Variants in SLCO1C1 observed in about 807,000 individuals in gnomAD.
SLCO1C1 encodes the protein solute carrier organic anion transporter family member 1C1.
In SLCO1C1, 70 loss-of-function variants were observed where a neutral mutation model predicts 76.4. The ratio of observed to expected loss-of-function variants is 0.92; its 90% CI spans 0.76 to 1.12. The LOEUF (loss-of-function observed/expected upper bound fraction) is 1.12. Among genes scored for constraint, SLCO1C1 ranks in the 50% most tolerant of loss-of-function variants. The probability of loss-of-function intolerance (pLI) is 0.00; values close to 1 mark genes in which losing one functional copy is unlikely to be tolerated. For missense variants in SLCO1C1, 912 were observed against 823.8 expected (o/e 1.11, Z -1.31); for synonymous variants, 306 against 286.1 (o/e 1.07, Z -0.70).
rs1948360105 is a variant in SLCO1C1 at position 20,732,932 on chromosome 12, G to A, written c.1210G>A (p.Ala404Thr). The A allele has an allele frequency of 1.2e-6, 2 of 1,613,888 alleles. No individual in the cohort carries two copies. Among genetic ancestry groups the A allele is most frequent in the Non-Finnish European group, 8.5e-7 (1 of 1,179,888 alleles). ...AGGGCTCATCAACATTCCAGCAGTG[G>A]CCCTTGGAATATTCTCTGGGGGGAT... is the stretch of plus-strand genomic sequence containing the variant. ...VIGLINIPAV[A>T]LGIFSGGIVM... Residue 404 changes from alanine (A) to threonine (T), a missense_variant, in exon 10 of 15, where the codon GCC becomes ACC. Physicochemically the swap from Ala to Thr is moderately conservative, Grantham distance 58 (BLOSUM62 0). Coordinates refer to ENST00000266509, the MANE Select transcript of SLCO1C1 (RefSeq NM_017435.5).
chr12:20,720,317 G>A (rs75400662), intron 7 of SLCO1C1, among the ~76,000 whole-genome samples: 4,402 of 152,198 alleles, frequency 0.029, 216 homozygotes, highest in African/African-American at 0.099. Flanking sequence ...CTAACATACC[G>A]TCCATTTTAT....
At chr12:20,701,808 G>A (rs1946540488) in intron 3 of SLCO1C1, among the ~76,000 whole-genome samples, 1 of 151,834 alleles carries the variant, frequency 6.6e-6, no homozygotes, top group African/African-American at 2.4e-5. Flanking sequence ...TACACCCTGG[G>A]AGCACTATGA....
intron 3 of SLCO1C1, among the ~76,000 whole-genome samples, chr12:20,704,070 C>G (rs1223438103): frequency 1.3e-5 from 2 of 150,586 alleles, no homozygotes; most frequent in Admixed American, 1.3e-4. Flanking sequence ...CTTTCTGTAC[C>G]TGTTTTTTTG....
intron 10 of SLCO1C1, among the ~76,000 whole-genome samples, chr12:20,733,969 A>T (rs1948419366): frequency 6.6e-6 from 1 of 150,786 alleles, no homozygotes; most frequent in African/African-American, 2.5e-5. Flanking sequence ...TTTGTTTTCT[A>T]AAAAAATTAT....
rs1252019466 is a variant in SLCO1C1 at position 20,721,944 on chromosome 12, G to A, written c.916G>A (p.Glu306Lys). ...PKSLPRSQSR[E>K]DSNSSSEKSK... ...GAGTTTACCAAGATCCCAAAGTAGA[G>A]AGGATTCTAATTCTTCCTCTGAGAA... The change falls in exon 8 of 15, where the codon GAG becomes AAG. Residue 306 changes from glutamate to lysine, a missense_variant. Physicochemically the swap from Glu to Lys is moderately conservative, Grantham distance 56 (BLOSUM62 1). Coordinates refer to ENST00000266509, the MANE Select transcript of SLCO1C1 (RefSeq NM_017435.5). 3 of 1,614,022 alleles carry A rather than the reference G, an allele frequency of 1.9e-6. No individual in the cohort carries two copies. The Admixed American group carries it at 5.0e-5, about 27-fold the overall frequency.
chr12:20,752,493 C>A lies in SLCO1C1; in HGVS notation c.2104C>A (p.Pro702Thr). 1 of 1,603,742 alleles carries A rather than the reference C, an allele frequency of 6.2e-7. No individual in the cohort carries two copies. The highest frequency in any genetic ancestry group is 8.5e-7 in the Non-Finnish European group (1 of 1,173,848). The change falls in exon 15 of 15, where the codon CCC becomes ACC. Residue 702 changes from proline to threonine, a missense_variant. Physicochemically the swap from Pro to Thr is conservative, Grantham distance 38 (BLOSUM62 -1). Coordinates refer to ENST00000266509, the MANE Select transcript of SLCO1C1 (RefSeq NM_017435.5). ...NYTTSDHLLQPNYWPGKETQL is the reference protein window; with the variant it reads ...NYTTSDHLLQTNYWPGKETQL The stretch of plus-strand genomic sequence containing the variant: ...CACTACAAGTGATCATCTGCTACAA[C>A]CCAACTACTGGCCAGGCAAGGAAAC...
Position 20,752,825 on chromosome 12 carries a change from G to C in SLCO1C1, c.*297G>C, listed in dbSNP as rs1032723588. On this transcript the variant is annotated 3_prime_UTR_variant, in exon 15 of 15. Transcript: ENST00000266509. ...ATATATATTAGCTGTACTCCTAGAA[G>C]AACAATTGTCTCTATTGTCACACAT... is the stretch of plus-strand genomic sequence containing the variant. 5.3e-6 allele frequency: 1 copy of C among 188,536 alleles called. No individual in the cohort carries two copies. The highest frequency in any genetic ancestry group is 1.1e-5 in the Non-Finnish European group (1 of 92,350). The allele number at this position is 188,536 out of a possible 1,614,324, so 11.7% of individuals were successfully genotyped here.
intron 14 of SLCO1C1, among the ~76,000 whole-genome samples, chr12:20,751,741 T>G (rs934965309): frequency 6.6e-6 from 1 of 152,174 alleles, no homozygotes; most frequent in Non-Finnish European, 1.5e-5. Context: ...CAACCTGTTC[T>G]TCCATACCTT....
Position 20,752,532 on chromosome 12 carries a change from C to T in SLCO1C1, c.*4C>T. On this transcript the variant is annotated 3_prime_UTR_variant, in exon 15 of 15. Transcript: ENST00000266509. ...AGGCAAGGAAACTCAACTTTAGAAA[C>T]ATGATGACTGGAAGTCATGTCTTCT... The T allele has an allele frequency of 6.4e-7, 1 of 1,571,890 alleles. No individual in the cohort carries two copies. Among genetic ancestry groups the T allele is most frequent in the Non-Finnish European group, 8.6e-7 (1 of 1,158,256 alleles).
chr12:20,748,836 G>T (rs1949167596), intron 13 of SLCO1C1, among the ~76,000 whole-genome samples: 1 of 152,082 alleles, frequency 6.6e-6, no homozygotes, highest in Admixed American at 6.6e-5. Context: ...ATGATGCTTA[G>T]TAAATCATAT....
intron 7 of SLCO1C1, among the ~76,000 whole-genome samples, chr12:20,718,994 A>C (rs1249672451): frequency 1.3e-5 from 2 of 152,036 alleles, no homozygotes; most frequent in African/African-American, 2.4e-5. Context: ...GGTCTGTGGC[A>C]ACTCTGTGTT....
At chr12:20,710,867 G>C (rs1301864672) in intron 4 of SLCO1C1, among the ~76,000 whole-genome samples, 1 of 152,122 alleles carries the variant, frequency 6.6e-6, no homozygotes, top group East Asian at 1.9e-4. Context: ...TTTTCACCTG[G>C]GGGGAGGTGA....
intron 11 of SLCO1C1, among the ~76,000 whole-genome samples, chr12:20,738,857 A>C (rs1948672290): frequency 6.6e-6 from 1 of 152,090 alleles, no homozygotes; most frequent in Non-Finnish European, 1.5e-5. Context: ...GACTTGCTTA[A>C]CTCATTTATC....
intron 9 of SLCO1C1, among the ~76,000 whole-genome samples, chr12:20,724,447 A>ATGTGTG (rs1236136425): frequency 3.1e-5 from 3 of 96,592 alleles, no homozygotes; most frequent in Non-Finnish European, 6.2e-5. Context: ...ATATATATAT[A>ATGTGTG]TATATGTGTG....
At chr12:20,699,895 C>A in intron 2 of SLCO1C1, 190 bp downstream of exon 2, 1 of 468,352 alleles carries the variant, frequency 2.1e-6, no homozygotes, top group Non-Finnish European at 3.5e-6. Context: ...GGTTAAATTA[C>A]TTTCCTGGGC....
chr12:20,715,176 T>C lies in SLCO1C1; in HGVS notation c.567T>C (p.Tyr189=), dbSNP rs762905149. The C allele has an allele frequency of 6.2e-7, 1 of 1,614,142 alleles. No individual in the cohort carries two copies. The highest frequency in any genetic ancestry group is 1.1e-5 in the South Asian group (1 of 91,082). The change falls in exon 6 of 15, where the codon TAT becomes TAC. Residue 189 remains tyrosine (Y), a synonymous_variant. Transcript: ENST00000266509. ...ACACTAGCTCTTCCATGTGGATTTATGTTTTCCTGGGCAATCTTCTTCGTG... is the reference window on the plus strand; with the variant it reads ...ACACTAGCTCTTCCATGTGGATTTACGTTTTCCTGGGCAATCTTCTTCGTG... ...EVDTSSSMWI[Y]VFLGNLLRGI... is the part of the protein sequence containing the mutation.
At chr12:20,711,237 G>A (rs1185053498) in intron 4 of SLCO1C1, 149 bp from the exon 5 acceptor site, 1 of 808,540 alleles carries the variant, frequency 1.2e-6, no homozygotes, top group African/African-American at 1.8e-5. Flanking sequence ...AGCAAAATCT[G>A]CTGTTAAACA....
Position 20,703,133 on chromosome 12 carries a change from C to T in SLCO1C1, c.271+1674C>T, listed in dbSNP as rs549414955. 2.3e-4 allele frequency among the ~76,000 whole-genome samples: 35 copies of T among 152,016 alleles called. No homozygotes were observed. The South Asian group carries it at 2.9e-3, about 13-fold the overall frequency. ...TTGAAAACCTTTATCCCAAACATCA[C>T]AGGTTTGCCCTAATTATTTGAGTTA... On this transcript the variant is annotated intron_variant, in intron 3 of 14. Transcript: ENST00000266509.
chr12:20,738,301 C>A (rs1948640679), intron 11 of SLCO1C1, among the ~76,000 whole-genome samples: 1 of 152,126 alleles, frequency 6.6e-6, no homozygotes. Flanking sequence ...CCATTCCTGT[C>A]CCAAACAGAC....
Sources: allele counts gnomAD v4.1 joint callset (sites outside exome capture counted in the v4.1 genomes callset), GRCh38; gene constraint gnomAD v4.1.1; transcripts MANE v1.5; gene names NCBI Gene and HGNC (gene_info 2026-07-23, HGNC 2026-07-21).